EYS: variants seen among roughly 807,000 people sequenced by gnomAD.
The protein encoded by EYS is EGF-like photoreceptor maintenance factor, also known as protein eyes shut homolog.
Under a neutral mutation model 282.1 loss-of-function variants are expected in EYS, and 250 were observed. The ratio of observed to expected loss-of-function variants is 0.89; its 90% CI spans 0.80 to 0.98. EYS has a LOEUF of 0.98. Ranked by LOEUF, EYS falls within the 50% of genes least tolerant of loss-of-function variation. The probability of loss-of-function intolerance (pLI) is 0.00; values close to 1 mark genes in which losing one functional copy is unlikely to be tolerated. For synonymous variants in EYS, 1,355 were observed against 1,282.9 expected, an observed-to-expected ratio of 1.06 and a Z score of -1.20; for missense variants, 4,016 against 3,709.0, an observed-to-expected ratio of 1.08 and a Z score of -2.15.
At chr6:63,805,026 A>G (rs945224824) in intron 37 of EYS, among the ~76,000 whole-genome samples, 4 of 152,150 alleles carry the variant, frequency 2.6e-5, no homozygotes. Flanking sequence ...CCTTTCAGAC[A>G]TATGCTGATA....
intron 35 of EYS, among the ~76,000 whole-genome samples, chr6:63,896,776 C>A (rs1773546153): frequency 6.6e-6 from 1 of 152,166 alleles, no homozygotes; most frequent in African/African-American, 2.4e-5. Flanking sequence ...GTTTTGCCTT[C>A]TTCCAAAAGT....
intron 35 of EYS, among the ~76,000 whole-genome samples, chr6:63,907,702 A>G (rs1773810121): frequency 6.6e-6 from 1 of 152,060 alleles, no homozygotes; most frequent in South Asian, 2.1e-4. Context: ...CTGGGCTTTT[A>G]GTGTATCTAC....
chr6:65,340,498 C>T (rs1031764640), intron 10 of EYS, among the ~76,000 whole-genome samples: 4 of 151,080 alleles, frequency 2.6e-5, no homozygotes, highest in Non-Finnish European at 5.9e-5. Context: ...CTATGAAATA[C>T]TTGCTTCTGG....
intron 33 of EYS, among the ~76,000 whole-genome samples, chr6:64,025,631 C>G (rs1456341091): frequency 1.5e-4 from 23 of 152,130 alleles, no homozygotes; most frequent in Non-Finnish European, 4.4e-5. Context: ...TAATTTTTGC[C>G]CAAAGCTCCG....
intron 19 of EYS, among the ~76,000 whole-genome samples, chr6:64,838,796 T>C (rs897183387): frequency 1.3e-5 from 2 of 152,024 alleles, no homozygotes; most frequent in Admixed American, 1.3e-4. Context: ...TCATTCACTT[T>C]GTTTCCTTAT....
At chr6:64,010,393 TG>T (rs199583269) in intron 33 of EYS, among the ~76,000 whole-genome samples, 11,450 of 69,764 alleles carry the variant, frequency 0.16, 1,239 homozygotes, top group African/African-American at 0.43. Context: ...TGTGTTTGGT[TG>T]GGGGGGGGGG....
intron 12 of EYS, among the ~76,000 whole-genome samples, chr6:65,156,810 C>T: frequency 6.6e-6 from 1 of 150,958 alleles, no homozygotes. Flanking sequence ...TCAGTCTTTC[C>T]CTGGCCTCCC....
intron 22 of EYS, among the ~76,000 whole-genome samples, chr6:64,802,932 A>T (rs1019606612): frequency 1.3e-5 from 2 of 152,328 alleles, no homozygotes; most frequent in Admixed American, 1.3e-4. Flanking sequence ...TACTGTGAAG[A>T]CACCAGCTGC....
chr6:63,764,714 C>T (rs534207057), intron 40 of EYS, among the ~76,000 whole-genome samples: 2 of 151,840 alleles, frequency 1.3e-5, no homozygotes, highest in Non-Finnish European at 2.9e-5. Flanking sequence ...AGATAAATCA[C>T]ATTAAGCATA....
At chr6:64,468,013 T>C (rs902368774) in intron 26 of EYS, among the ~76,000 whole-genome samples, 1 of 152,030 alleles carries the variant, frequency 6.6e-6, no homozygotes, top group East Asian at 1.9e-4. Flanking sequence ...GACTAATTCA[T>C]GCACTCAACC....
At chr6:64,664,022 C>T (rs1251908582) in intron 22 of EYS, among the ~76,000 whole-genome samples, 1 of 152,214 alleles carries the variant, frequency 6.6e-6, no homozygotes, top group African/African-American at 2.4e-5. Flanking sequence ...AGAAGCGCAG[C>T]AGACACCCTG....
chr6:64,190,755 A>T (rs1459567424), intron 31 of EYS, among the ~76,000 whole-genome samples: 3 of 152,146 alleles, frequency 2.0e-5, no homozygotes, highest in Non-Finnish European at 4.4e-5. Flanking sequence ...GTAGGATCAT[A>T]AGGTAAGAAA....
intron 31 of EYS, among the ~76,000 whole-genome samples, chr6:64,085,230 C>T (rs1247663215): frequency 6.6e-6 from 1 of 151,972 alleles, no homozygotes; most frequent in Non-Finnish European, 1.5e-5. Context: ...CCTGCCTAGG[C>T]CTCCCAAAGT....
intron 22 of EYS, among the ~76,000 whole-genome samples, chr6:64,704,503 TATAATAATATTATAATTATAATACTTATA>T (rs1770914870): frequency 4.6e-5 from 1 of 21,648 alleles, no homozygotes; most frequent in African/African-American, 8.9e-5. Context: ...ATATAATACT[TATAATAATATTATAATTATAATACTTATA>T]ATAATATTAT....
chr6:65,150,056 G>A (rs1024176215), intron 12 of EYS, among the ~76,000 whole-genome samples: 3 of 151,848 alleles, frequency 2.0e-5, no homozygotes, highest in Non-Finnish European at 2.9e-5. Flanking sequence ...CAGCATGGGG[G>A]AACCGCCACC....
chr6:64,810,653 G>C (rs886696775), intron 22 of EYS, among the ~76,000 whole-genome samples: 4 of 151,914 alleles, frequency 2.6e-5, no homozygotes, highest in African/African-American at 7.2e-5. Flanking sequence ...ATAATTATAA[G>C]AGCAAGCCTA....
chr6:64,748,551 A>G (rs1383053835), intron 22 of EYS, among the ~76,000 whole-genome samples: 1 of 152,186 alleles, frequency 6.6e-6, no homozygotes, highest in Non-Finnish European at 1.5e-5. Flanking sequence ...AAGAAAGTTC[A>G]ATTTGCTTTT....
intron 26 of EYS, among the ~76,000 whole-genome samples, chr6:64,443,661 T>A (rs1775027213): frequency 6.6e-6 from 1 of 152,116 alleles, no homozygotes; most frequent in Non-Finnish European, 1.5e-5. Flanking sequence ...TCTTCCAAGA[T>A]CTGATAGTTT....
chr6:63,887,702 C>A (rs1050229540), intron 35 of EYS, among the ~76,000 whole-genome samples: 58 of 152,280 alleles, frequency 3.8e-4, no homozygotes, highest in African/African-American at 1.3e-3. Context: ...TCACCAGGGC[C>A]CTAGGTTTCA....
Sources: gnomAD v4.1 joint callset for allele counts (sites outside exome capture counted in the v4.1 genomes callset) on GRCh38, gnomAD v4.1.1 for gene constraint, MANE v1.5 for transcripts, NCBI Gene and HGNC (gene_info 2026-07-23, HGNC 2026-07-21) for gene names.